FRAS1: variants seen among roughly 807,000 people sequenced by gnomAD.
The protein encoded by FRAS1 is Fraser extracellular matrix complex subunit 1.
Under a neutral mutation model 435.2 loss-of-function variants are expected in FRAS1, and 290 were observed. That is an observed-to-expected ratio of 0.67 (90% CI 0.61 to 0.73). The LOEUF (loss-of-function observed/expected upper bound fraction) is 0.73. Among genes scored for constraint, FRAS1 ranks in the 30% least tolerant of loss-of-function variants. FRAS1 has a pLI of 0.00. For missense variants in FRAS1, 4,860 were observed against 5,001.5 expected (o/e 0.97, Z 0.85); for synonymous variants, 1,800 against 1,851.0 (o/e 0.97, Z 0.71).
chr4:78,266,338 G>C (rs1032255406), intron 7 of FRAS1, among the ~76,000 whole-genome samples: 2 of 152,220 alleles, frequency 1.3e-5, no homozygotes, highest in African/African-American at 4.8e-5. Flanking sequence ...GTAGAAGAGA[G>C]GGGTGGGATT....
chr4:78,400,991 G>A lies in FRAS1; in HGVS notation c.4129+104G>A, dbSNP rs1040219257. 57 of 1,010,494 alleles carry A rather than the reference G, an allele frequency of 5.6e-5. No individual in the cohort carries two copies. In the Admixed American group the frequency reaches 1.4e-3, roughly 25 times the overall value. 62.6% of individuals were successfully genotyped at this position (1,010,494 alleles called of 1,614,324 possible). On this transcript the variant is annotated intron_variant, in intron 30 of 73. Coordinates refer to ENST00000512123, the MANE Select transcript of FRAS1 (RefSeq NM_025074.7). ...CAAGATTGCAATTCCAATGAACTGA[G>A]CTTTCTAATACCTTACAAATCCCCT...
chr4:78,469,017 C>T lies in FRAS1; in HGVS notation c.7258-961C>T, dbSNP rs143888285. Among the ~76,000 whole-genome samples the T allele has an allele frequency of 9.0e-3, 1,365 of 152,250 alleles. 21 individuals are homozygous for T. Among genetic ancestry groups the T allele is most frequent in the African/African-American group, 0.031 (1,308 of 41,526 alleles). ...GGCTCTTGGGATTTTCCTGCCATTG[C>T]GGTGTCTGCACAGCATCACCACCTG... On this transcript the variant is annotated intron_variant, in intron 50 of 73. Coordinates refer to ENST00000512123, the MANE Select transcript of FRAS1 (RefSeq NM_025074.7).
At chr4:78,322,918 G>T (rs1369648620) in intron 18 of FRAS1, among the ~76,000 whole-genome samples, 1 of 152,270 alleles carries the variant, frequency 6.6e-6, no homozygotes, top group Non-Finnish European at 1.5e-5. Context: ...TTTAGTGAGA[G>T]AAATAGATAA....
At chr4:78,398,077 T>A (rs1732744624) in intron 29 of FRAS1, among the ~76,000 whole-genome samples, 1 of 152,046 alleles carries the variant, frequency 6.6e-6, no homozygotes, top group Non-Finnish European at 1.5e-5. Context: ...TGTACAGGTT[T>A]TAGAGCTGGA....
intron 66 of FRAS1, among the ~76,000 whole-genome samples, chr4:78,516,359 T>C (rs528329798): frequency 6.6e-6 from 1 of 152,252 alleles, no homozygotes; most frequent in Non-Finnish European, 1.5e-5. Flanking sequence ...TATTACTACA[T>C]TGATATATTC....
intron 2 of FRAS1, among the ~76,000 whole-genome samples, chr4:78,218,709 T>C (rs749770136): frequency 6.6e-5 from 10 of 152,270 alleles, no homozygotes; most frequent in Non-Finnish European, 1.0e-4. Context: ...CTGAAACAAA[T>C]GTTGATCCAG....
At chr4:78,210,429 C>G (rs1723454775) in intron 2 of FRAS1, among the ~76,000 whole-genome samples, 1 of 152,244 alleles carries the variant, frequency 6.6e-6, no homozygotes, top group Non-Finnish European at 1.5e-5. Context: ...AGGTCTATAT[C>G]ACTTGGAGTC....
At chr4:78,390,310 T>C (rs1438325552) in intron 29 of FRAS1, among the ~76,000 whole-genome samples, 2 of 152,212 alleles carry the variant, frequency 1.3e-5, no homozygotes, top group Non-Finnish European at 2.9e-5. Flanking sequence ...ATGGGAATTA[T>C]TCCATTTGAT....
At chr4:78,329,660 T>C (rs1420040157) in intron 18 of FRAS1, among the ~76,000 whole-genome samples, 4 of 152,246 alleles carry the variant, frequency 2.6e-5, no homozygotes, top group Admixed American at 2.0e-4. Flanking sequence ...TGCAGTGCTA[T>C]TGGAATACTT....
chr4:78,303,291 T>TGATG (rs1728519010), intron 14 of FRAS1, among the ~76,000 whole-genome samples: 1 of 152,206 alleles, frequency 6.6e-6, no homozygotes, highest in South Asian at 2.1e-4. Context: ...TCAGGTAGTG[T>TGATG]GATGCCTCCA....
intron 23 of FRAS1, 57 bp downstream of exon 23, chr4:78,370,041 A>G (rs1404494254): frequency 1.3e-5 from 20 of 1,528,380 alleles, no homozygotes; most frequent in Non-Finnish European, 1.7e-5. Context: ...CCACTTTACT[A>G]CTGATGTCTA....
At chr4:78,435,516 A>T (rs914396805) in intron 38 of FRAS1, among the ~76,000 whole-genome samples, 1 of 152,160 alleles carries the variant, frequency 6.6e-6, no homozygotes, top group African/African-American at 2.4e-5. Context: ...AGGCATGTAG[A>T]TCATTTGAGG....
At position 78,308,110 on chromosome 4, in the gene FRAS1, C is replaced by T; in HGVS notation, c.1579C>T (p.His527Tyr). ...AGGTTGCTGGGGCCCAACGGAGAAG[C>T]ACTGCTTGGCCTGCAGAGATCCCCT... is the stretch of plus-strand genomic sequence containing the variant. ...CAGCWGPTEK[H>Y]CLACRDPLHV... Residue 527 changes from histidine to tyrosine, a missense_variant, in exon 15 of 74, where the codon CAC (histidine) becomes TAC (tyrosine). By Grantham distance (83) the His-to-Tyr change is moderately conservative. Transcript: ENST00000512123. 1 of 1,613,840 alleles carries T rather than the reference C, an allele frequency of 6.2e-7. No individual in the cohort carries two copies. The highest frequency in any genetic ancestry group is 8.5e-7 in the Non-Finnish European group (1 of 1,179,796).
chr4:78,522,473 G>A (rs1721415420), intron 68 of FRAS1, among the ~76,000 whole-genome samples, 176 bp from the exon 69 acceptor site: 2 of 152,170 alleles, frequency 1.3e-5, no homozygotes, highest in South Asian at 4.1e-4. Flanking sequence ...GGGCTAGGGT[G>A]AGATGCCATT....
intron 18 of FRAS1, among the ~76,000 whole-genome samples, chr4:78,324,731 T>TTTTTTTTTTC (rs1491139973): frequency 8.4e-6 from 1 of 119,354 alleles, no homozygotes; most frequent in African/African-American, 3.1e-5. Flanking sequence ...TTTTTTTTTT[T>TTTTTTTTTTC]CTGCATGTCA....
intron 20 of FRAS1, among the ~76,000 whole-genome samples, chr4:78,359,447 C>T (rs146221546): frequency 6.6e-6 from 1 of 152,140 alleles, no homozygotes; most frequent in Non-Finnish European, 1.5e-5. Context: ...AAAGTGTTCC[C>T]TAGGTTTTGG....
chr4:78,402,554 G>A (rs945480983), intron 30 of FRAS1, among the ~76,000 whole-genome samples: 4 of 152,174 alleles, frequency 2.6e-5, no homozygotes, highest in African/African-American at 9.6e-5. Flanking sequence ...AGACTAAACA[G>A]TTGCAAAAAC....
intron 2 of FRAS1, among the ~76,000 whole-genome samples, chr4:78,157,094 C>T (rs76954691): frequency 1.3e-5 from 2 of 152,144 alleles, no homozygotes; most frequent in African/African-American, 2.4e-5. Context: ...TCTGTTTCTG[C>T]GTTAATTCAC....
At chr4:78,113,070 A>T (rs1286125681) in intron 2 of FRAS1, among the ~76,000 whole-genome samples, 1 of 152,158 alleles carries the variant, frequency 6.6e-6, no homozygotes, top group African/African-American at 2.4e-5. Flanking sequence ...GAGTGAGAAC[A>T]TGCGGTGTTT....
Sources: allele counts gnomAD v4.1 joint callset (sites outside exome capture counted in the v4.1 genomes callset), GRCh38; gene constraint gnomAD v4.1.1; transcripts MANE v1.5; gene names NCBI Gene and HGNC (gene_info 2026-07-23, HGNC 2026-07-21).